TMC1: variants seen among roughly 807,000 people sequenced by gnomAD.
TMC1 encodes the protein transmembrane channel-like protein 1.
TMC1 carries 84 observed loss-of-function variants against 105.8 expected under a neutral mutation model. The ratio of observed to expected loss-of-function variants is 0.79; its 90% CI spans 0.67 to 0.95. The LOEUF (loss-of-function observed/expected upper bound fraction) is 0.95, where lower values mean the gene tolerates loss of function less well. Among genes scored for constraint, TMC1 ranks in the 40% least tolerant of loss-of-function variants. The probability of loss-of-function intolerance (pLI) is 0.00; values close to 1 mark genes in which losing one functional copy is unlikely to be tolerated. For missense variants in TMC1, 817 were observed against 914.1 expected (o/e 0.89, Z 1.37); for synonymous variants, 315 against 311.5 (o/e 1.01, Z -0.12).
intron 19 of TMC1, among the ~76,000 whole-genome samples, 191 bp downstream of exon 19, chr9:72,816,401 C>T (rs1828789301): frequency 6.6e-6 from 1 of 152,152 alleles, no homozygotes; most frequent in Non-Finnish European, 1.5e-5. Flanking sequence ...AAAGGTGTCT[C>T]TCTGTTTTGC....
At chr9:72,613,015 A>G (rs1265940059) in intron 2 of TMC1, among the ~76,000 whole-genome samples, 2 of 152,082 alleles carry the variant, frequency 1.3e-5, no homozygotes, top group Non-Finnish European at 2.9e-5. Flanking sequence ...TCACAGAGTT[A>G]ATTTTATAAC....
intron 6 of TMC1, among the ~76,000 whole-genome samples, chr9:72,691,297 A>G (rs1450672090): frequency 6.6e-6 from 1 of 152,146 alleles, no homozygotes; most frequent in African/African-American, 2.4e-5. Context: ...AGTAATTCAT[A>G]TATCTCCATT....
chr9:72,525,751 G>A (rs1823396837), intron 1 of TMC1, among the ~76,000 whole-genome samples: 1 of 152,224 alleles, frequency 6.6e-6, no homozygotes, highest in African/African-American at 2.4e-5. Context: ...ACTTTGGGAG[G>A]CCCAGGCGGG....
intron 1 of TMC1, among the ~76,000 whole-genome samples, chr9:72,560,132 T>G (rs7873761): frequency 0.4 from 60,192 of 152,082 alleles, 13,523 homozygotes; most frequent in African/African-American, 0.61. Flanking sequence ...CTCAGAACAT[T>G]GTTGAAAACA....
chr9:72,657,039 A>G (rs1825895147), intron 5 of TMC1, among the ~76,000 whole-genome samples: 1 of 152,250 alleles, frequency 6.6e-6, no homozygotes, highest in Admixed American at 6.5e-5. Flanking sequence ...CCCTGGCCTT[A>G]GTAGTTACCA....
At chr9:72,760,384 T>C (rs987209475) in intron 12 of TMC1, among the ~76,000 whole-genome samples, 1 of 152,122 alleles carries the variant, frequency 6.6e-6, no homozygotes. Flanking sequence ...ACAAAATGTT[T>C]TTAAACTCCT....
chr9:72,566,617 C>T (rs1363488557), intron 1 of TMC1, among the ~76,000 whole-genome samples: 1 of 152,172 alleles, frequency 6.6e-6, no homozygotes, highest in Non-Finnish European at 1.5e-5. Context: ...AAACAGGCTG[C>T]AAACAGAAGG....
chr9:72,701,971 C>T (rs1455664625), intron 8 of TMC1, among the ~76,000 whole-genome samples: 2 of 152,162 alleles, frequency 1.3e-5, no homozygotes, highest in East Asian at 1.9e-4. Flanking sequence ...CTACGTTCCA[C>T]AGAGCTACAA....
At chr9:72,663,012 T>C (rs1389296237) in intron 5 of TMC1, among the ~76,000 whole-genome samples, 2 of 152,136 alleles carry the variant, frequency 1.3e-5, no homozygotes, top group African/African-American at 4.8e-5. Flanking sequence ...GGAATTGCAG[T>C]AGAGAAAGGG....
At chr9:72,806,775 C>A (rs1022644290) in intron 18 of TMC1, among the ~76,000 whole-genome samples, 23 of 150,150 alleles carry the variant, frequency 1.5e-4, no homozygotes, top group African/African-American at 5.4e-4. Context: ...TCCTCACTTT[C>A]CAGACTGGGC....
intron 5 of TMC1, among the ~76,000 whole-genome samples, chr9:72,675,840 A>G (rs550301485): frequency 4.6e-5 from 7 of 152,296 alleles, no homozygotes; most frequent in African/African-American, 1.7e-4. Flanking sequence ...TCTGAATGCC[A>G]GAGTACTGAC....
At chr9:72,525,665 G>T (rs2132053383) in intron 1 of TMC1, among the ~76,000 whole-genome samples, 1 of 152,256 alleles carries the variant, frequency 6.6e-6, no homozygotes, top group East Asian at 1.9e-4. Flanking sequence ...TTGAACTGTT[G>T]TATCTCTCTC....
chr9:72,743,368 CA>C (rs57505302), intron 10 of TMC1, among the ~76,000 whole-genome samples: 37,085 of 110,086 alleles, frequency 0.34, 6,508 homozygotes, highest in African/African-American at 0.56. Context: ...CTCCGTCTCA[CA>C]AAAAAAAAAA....
intron 1 of TMC1, among the ~76,000 whole-genome samples, chr9:72,565,808 A>T (rs1229786122): frequency 2.0e-5 from 3 of 152,164 alleles, no homozygotes; most frequent in Non-Finnish European, 4.4e-5. Context: ...AAACCATCGG[A>T]TCTCACGAGA....
chr9:72,830,022 A>T (rs1325849285), intron 21 of TMC1, among the ~76,000 whole-genome samples: 1 of 152,242 alleles, frequency 6.6e-6, no homozygotes, highest in Admixed American at 6.5e-5. Flanking sequence ...ACGAAATTTA[A>T]GGCAGAAAGT....
intron 8 of TMC1, among the ~76,000 whole-genome samples, chr9:72,714,806 T>C (rs1826892075): frequency 1.3e-5 from 2 of 152,354 alleles, no homozygotes; most frequent in African/African-American, 4.8e-5. Flanking sequence ...ATCCTGCCAT[T>C]ATGATGCTGG....
chr9:72,674,186 C>T (rs1163933253), intron 5 of TMC1, among the ~76,000 whole-genome samples: 1 of 152,138 alleles, frequency 6.6e-6, no homozygotes, highest in Non-Finnish European at 1.5e-5. Context: ...AAATTTAACA[C>T]TGTGAAGATA....
intron 4 of TMC1, among the ~76,000 whole-genome samples, chr9:72,637,790 A>T (rs1031023097): frequency 2.0e-5 from 3 of 152,206 alleles, no homozygotes; most frequent in Admixed American, 2.0e-4. Flanking sequence ...TGTTCATTCT[A>T]AGTTGTTCAA....
chr9:72,649,741 A>T (rs1043512548), intron 5 of TMC1, among the ~76,000 whole-genome samples: 105 of 152,308 alleles, frequency 6.9e-4, no homozygotes, highest in Middle Eastern at 3.4e-3. Flanking sequence ...GTTTTTCATT[A>T]GTAAGAACAG....
Sources: gnomAD v4.1 joint callset for allele counts (sites outside exome capture counted in the v4.1 genomes callset) on GRCh38, gnomAD v4.1.1 for gene constraint, MANE v1.5 for transcripts, NCBI Gene and HGNC (gene_info 2026-07-23, HGNC 2026-07-21) for gene names.